Variants in CFAP299 observed in about 807,000 individuals in gnomAD.
The protein encoded by CFAP299 is cilia- and flagella-associated protein 299.
A neutral mutation model predicts 27.0 loss-of-function variants in CFAP299; 21 were observed. The ratio of observed to expected loss-of-function variants is 0.78; its 90% CI spans 0.55 to 1.12. The LOEUF is 1.12. Ranked by LOEUF, CFAP299 falls within the 50% of genes most tolerant of loss-of-function variation. The pLI, the probability that CFAP299 is intolerant of heterozygous loss-of-function variation, is 0.00. For synonymous variants in CFAP299, 104 were observed against 98.1 expected (o/e 1.06, Z -0.36); for missense variants, 310 against 276.6 (o/e 1.12, Z -0.86).
At chr4:80,501,914 A>G (rs1226980919) in intron 2 of CFAP299, among the ~76,000 whole-genome samples, 3 of 151,974 alleles carry the variant, frequency 2.0e-5, no homozygotes, top group African/African-American at 7.2e-5. Context: ...TTTCTGCTCA[A>G]TTCTACCCAA....
chr4:80,937,320 T>TTTTTTTTTTTTTTTTTTTTTTG, intron 4 of CFAP299, among the ~76,000 whole-genome samples: 1 of 114,410 alleles, frequency 8.7e-6, no homozygotes, highest in Non-Finnish European at 1.7e-5. Flanking sequence ...TTCTTTTTTT[T>TTTTTTTTTTTTTTTTTTTTTTG]TTTTTTTTTT....
chr4:80,612,079 T>C (rs554678697), intron 3 of CFAP299, among the ~76,000 whole-genome samples: 295 of 109,466 alleles, frequency 2.7e-3, no homozygotes, highest in Non-Finnish European at 3.6e-3. Flanking sequence ...GTATGTGCCA[T>C]TTTTTTTTTG....
intron 2 of CFAP299, among the ~76,000 whole-genome samples, chr4:80,532,818 A>T (rs925247789): frequency 3.9e-5 from 6 of 152,224 alleles, no homozygotes; most frequent in Non-Finnish European, 7.3e-5. Flanking sequence ...TGTTCATAAA[A>T]GCAGGAAGAA....
intron 2 of CFAP299, among the ~76,000 whole-genome samples, chr4:80,481,844 A>G (rs953432920): frequency 1.3e-5 from 2 of 152,106 alleles, no homozygotes; most frequent in Non-Finnish European, 2.9e-5. Context: ...ATTTTTTCCC[A>G]TTTATTTTAT....
chr4:80,788,794 C>T (rs552872962), intron 3 of CFAP299, among the ~76,000 whole-genome samples: 72 of 152,062 alleles, frequency 4.7e-4, no homozygotes, highest in Non-Finnish European at 5.9e-4. Flanking sequence ...GGCAAGAAGA[C>T]ACATAATCGG....
intron 2 of CFAP299, among the ~76,000 whole-genome samples, chr4:80,541,167 A>G (rs1047382763): frequency 3.9e-5 from 6 of 152,224 alleles, no homozygotes; most frequent in African/African-American, 1.4e-4. Flanking sequence ...GTTTCATATG[A>G]CAGTGAAGAT....
At chr4:80,407,111 A>G (rs1165359031) in intron 2 of CFAP299, among the ~76,000 whole-genome samples, 1 of 152,214 alleles carries the variant, frequency 6.6e-6, no homozygotes, top group East Asian at 1.9e-4. Context: ...AGATGGAATA[A>G]AACAAAATAA....
At chr4:80,388,477 G>C (rs900613678) in intron 2 of CFAP299, 11 of 1,184,620 alleles carry the variant, frequency 9.3e-6, no homozygotes, top group East Asian at 2.3e-5. Context: ...CCAGGTCGGG[G>C]GCATTTCTTT....
chr4:80,675,293 GTC>G (rs1719364412), intron 3 of CFAP299, among the ~76,000 whole-genome samples: 1 of 152,154 alleles, frequency 6.6e-6, no homozygotes, highest in Non-Finnish European at 1.5e-5. Flanking sequence ...TCAGCTGCAG[GTC>G]TGTTGGAGTT....
intron 2 of CFAP299, among the ~76,000 whole-genome samples, chr4:80,482,772 A>G (rs1199757112): frequency 1.3e-5 from 2 of 152,216 alleles, no homozygotes; most frequent in South Asian, 2.1e-4. Context: ...CCCAGTAGAC[A>G]TTAAATACCG....
intron 2 of CFAP299, among the ~76,000 whole-genome samples, chr4:80,390,703 G>A (rs1159342599): frequency 7.2e-6 from 1 of 138,708 alleles, no homozygotes; most frequent in Non-Finnish European, 1.5e-5. Flanking sequence ...GTGTATATAT[G>A]TATATATGTA....
chr4:80,721,371 C>T (rs1324428834), intron 3 of CFAP299, among the ~76,000 whole-genome samples: 2 of 152,164 alleles, frequency 1.3e-5, no homozygotes, highest in African/African-American at 4.8e-5. Flanking sequence ...TGGAAAGCTA[C>T]ATGTCTGAGA....
At chr4:80,892,196 C>T (rs1250704579) in intron 4 of CFAP299, among the ~76,000 whole-genome samples, 2 of 152,030 alleles carry the variant, frequency 1.3e-5, no homozygotes, top group East Asian at 1.9e-4. Flanking sequence ...AACCCGGAGA[C>T]AAATCCCCAC....
At chr4:80,864,447 TAC>T (rs1732574794) in intron 3 of CFAP299, among the ~76,000 whole-genome samples, 2 of 144,656 alleles carry the variant, frequency 1.4e-5, no homozygotes, top group South Asian at 4.4e-4. Flanking sequence ...TATATATATA[TAC>T]CTATATAAGT....
At chr4:80,349,124 G>A (rs1205100532) in intron 1 of CFAP299, among the ~76,000 whole-genome samples, 2 of 152,188 alleles carry the variant, frequency 1.3e-5, no homozygotes, top group Non-Finnish European at 2.9e-5. Flanking sequence ...AATGGTAGGG[G>A]CATTCTGCAG....
chr4:80,404,644 G>A lies in CFAP299; in HGVS notation c.242+41760G>A, dbSNP rs557243614. On this transcript the variant is annotated intron_variant, in intron 2 of 5. Coordinates refer to ENST00000358105, the MANE Select transcript of CFAP299 (RefSeq NM_152770.3). ...CATTTGTGAGGCTGAATAATATTCC[G>A]TTCTTTGTATATACTACATTTTGTT... Among the ~76,000 whole-genome samples the A allele has an allele frequency of 8.5e-5, 13 of 152,218 alleles. No homozygotes were observed. The East Asian group carries it at 2.1e-3, about 25-fold the overall frequency.
intron 3 of CFAP299, among the ~76,000 whole-genome samples, chr4:80,724,277 A>G (rs1037258248): frequency 1.3e-5 from 2 of 152,150 alleles, no homozygotes; most frequent in Non-Finnish European, 1.5e-5. Context: ...ATGTAGCAGA[A>G]CGGCATGTGT....
At chr4:80,765,045 C>G (rs1275126274) in intron 3 of CFAP299, among the ~76,000 whole-genome samples, 1 of 152,008 alleles carries the variant, frequency 6.6e-6, no homozygotes, top group Non-Finnish European at 1.5e-5. Flanking sequence ...ACTGTGGTAA[C>G]AAACGTGCAC....
chr4:80,386,779 A>G (rs1003825856), intron 2 of CFAP299: 78 of 1,254,786 alleles, frequency 6.2e-5, no homozygotes, highest in Non-Finnish European at 8.2e-5. Flanking sequence ...TGAACAACTT[A>G]CCGCAGCTTG....
Sources: gnomAD v4.1 joint callset for allele counts (sites outside exome capture counted in the v4.1 genomes callset) on GRCh38, gnomAD v4.1.1 for gene constraint, MANE v1.5 for transcripts, NCBI Gene and HGNC (gene_info 2026-07-23, HGNC 2026-07-21) for gene names.